The following ZNF184 variants were observed in gnomAD, a reference collection of about 807,000 sequenced individuals.
The protein encoded by ZNF184 is zinc finger protein 184 (Kruppel-like).
ZNF184 carries 16 observed loss-of-function variants against 54.4 expected under a neutral mutation model. The ratio of observed to expected loss-of-function variants is 0.29; its 90% CI spans 0.20 to 0.45. The LOEUF (loss-of-function observed/expected upper bound fraction) is 0.45, where lower values mean the gene tolerates loss of function less well. ZNF184 is among the 20% of genes least tolerant of loss of function. The pLI, the probability that ZNF184 is intolerant of heterozygous loss-of-function variation, is 1.00. For missense variants in ZNF184, 681 were observed against 888.2 expected, an observed-to-expected ratio of 0.77 and a Z score of 2.97; for synonymous variants, 254 against 295.3, an observed-to-expected ratio of 0.86 and a Z score of 1.43.
chr6:27,424,069 G>A, the ZNF184 span, among the ~76,000 whole-genome samples: 1 of 152,172 alleles, frequency 6.6e-6, no homozygotes, highest in Non-Finnish European at 1.5e-5. Context: ...TGGCACGCCT[G>A]GAGTTTGTTC....
intron 3 of ZNF184, among the ~76,000 whole-genome samples, chr6:27,459,741 GA>G (rs1011508927): frequency 4.6e-5 from 7 of 151,764 alleles, no homozygotes; most frequent in Non-Finnish European, 7.4e-5. Flanking sequence ...TGTGTGGAAG[GA>G]AAAAAAATCA....
At chr6:27,459,220 G>A (rs1201574169) in intron 3 of ZNF184, among the ~76,000 whole-genome samples, 1 of 152,154 alleles carries the variant, frequency 6.6e-6, no homozygotes, top group African/African-American at 2.4e-5. Flanking sequence ...CAAGAAAGTA[G>A]AAGAGAGGAT....
At chr6:27,442,808 GAAAGAGAAAGAAAGAAAGAA>G in the ZNF184 span, among the ~76,000 whole-genome samples, 4 of 49,606 alleles carry the variant, frequency 8.1e-5, 1 homozygote, top group Middle Eastern at 0.013. Context: ...GAAAGAGAAA[GAAAGAGAAAGAAAGAAAGAA>G]AGAAAGAAAG....
downstream of ZNF184, among the ~76,000 whole-genome samples, chr6:27,448,895 T>C (rs1465434355): frequency 6.6e-6 from 1 of 152,214 alleles, no homozygotes; most frequent in Non-Finnish European, 1.5e-5. Context: ...TTATTATCTA[T>C]GTTTACCACC....
At chr6:27,459,741 G>GA (rs1011508927) in intron 3 of ZNF184, among the ~76,000 whole-genome samples, 3 of 151,880 alleles carry the variant, frequency 2.0e-5, no homozygotes, top group South Asian at 2.1e-4. Flanking sequence ...TGTGTGGAAG[G>GA]AAAAAAAATC....
the ZNF184 span, among the ~76,000 whole-genome samples, chr6:27,436,804 G>T: frequency 6.6e-6 from 1 of 152,182 alleles, no homozygotes; most frequent in Non-Finnish European, 1.5e-5. Context: ...TTACAACTAG[G>T]ATCGTGACCA....
At chr6:27,444,941 T>C in the ZNF184 span, among the ~76,000 whole-genome samples, 11 of 152,326 alleles carry the variant, frequency 7.2e-5, no homozygotes, top group East Asian at 2.1e-3. Context: ...CTTAGATAGC[T>C]AAATCACAAT....
At chr6:27,439,752 TA>T in the ZNF184 span, among the ~76,000 whole-genome samples, 1 of 152,192 alleles carries the variant, frequency 6.6e-6, no homozygotes, top group East Asian at 1.9e-4. Flanking sequence ...TTATAACAAT[TA>T]GACTTTATCA....
chr6:27,407,164 G>A, the ZNF184 span, among the ~76,000 whole-genome samples: 3 of 152,234 alleles, frequency 2.0e-5, no homozygotes, highest in Non-Finnish European at 4.4e-5. Flanking sequence ...CCCATGCTGA[G>A]GTACAAGGGA....
chr6:27,415,024 C>T, the ZNF184 span, among the ~76,000 whole-genome samples: 1 of 152,152 alleles, frequency 6.6e-6, no homozygotes, highest in Non-Finnish European at 1.5e-5. Context: ...TCCCTTCCTA[C>T]CTCACAGGGA....
chr6:27,409,097 T>C, the ZNF184 span, among the ~76,000 whole-genome samples: 126 of 152,308 alleles, frequency 8.3e-4, 2 homozygotes, highest in South Asian at 0.025. Context: ...TAATTTGGTT[T>C]ATTGGATGTG....
At chr6:27,424,039 G>C in the ZNF184 span, among the ~76,000 whole-genome samples, 1 of 152,166 alleles carries the variant, frequency 6.6e-6, no homozygotes, top group Non-Finnish European at 1.5e-5. Context: ...CCCTCGCGGT[G>C]AGCGTTACAA....
At chr6:27,432,692 A>G in the ZNF184 span, among the ~76,000 whole-genome samples, 1 of 152,220 alleles carries the variant, frequency 6.6e-6, no homozygotes. This position sits in a 1 kb window ranked among gnomAD's most constrained non-coding sequence, Gnocchi z 4.0. Flanking sequence ...AAAAATGGCC[A>G]CAGCAATATT....
chr6:27,462,632 A>G (rs1016740304), intron 3 of ZNF184, among the ~76,000 whole-genome samples: 1 of 151,656 alleles, frequency 6.6e-6, no homozygotes, highest in African/African-American at 2.4e-5. Context: ...TGGGAGGCCT[A>G]GGCAGGCAGA....
the ZNF184 span, among the ~76,000 whole-genome samples, chr6:27,444,916 A>G: frequency 2.5e-4 from 38 of 152,324 alleles, no homozygotes; most frequent in Middle Eastern, 6.8e-3. Context: ...TCTAATAGGC[A>G]TCTAAAACAC....
At chr6:27,425,209 C>T in the ZNF184 span, among the ~76,000 whole-genome samples, 2 of 152,264 alleles carry the variant, frequency 1.3e-5, no homozygotes, top group Non-Finnish European at 2.9e-5. Flanking sequence ...CGCGCCTCTC[C>T]CTCCACACCT....
the ZNF184 span, chr6:27,407,804 T>C: frequency 2.6e-6 from 2 of 778,380 alleles, no homozygotes; most frequent in South Asian, 1.3e-5. Context: ...ACGATTATGA[T>C]GGCAATTATT....
Position 27,453,039 on chromosome 6 carries a change from A to G in ZNF184, c.520T>C (p.Trp174Arg), listed in dbSNP as rs1008622152. Residue 174 changes from tryptophan to arginine, a missense_variant, in exon 6 of 6, where the codon TGG (tryptophan) becomes CGG (arginine). By Grantham distance (101) the Trp-to-Arg change is moderately radical. Coordinates refer to ENST00000683788, the MANE Select transcript of ZNF184 (RefSeq NM_001318891.2). This position sits in a 1 kb window ranked among gnomAD's most constrained non-coding sequence, Gnocchi z 4.7. Reference protein sequence around the residue: ...IKVTEKTIPSWEKGPVNNEFG... With the variant: ...IKVTEKTIPSREKGPVNNEFG... ...TCATTATTTACAGGGCCTTTTTCCC[A>G]ACTGGGTATTGTCTTTTCGGTTACC... 4 of 1,614,048 alleles carry G rather than the reference A, an allele frequency of 2.5e-6. No homozygotes were observed. The highest frequency in any genetic ancestry group is 3.4e-6 in the Non-Finnish European group (4 of 1,179,990).
intron 3 of ZNF184, 66 bp downstream of exon 3, chr6:27,467,787 A>C (rs1415703928): frequency 6.7e-7 from 1 of 1,489,738 alleles, no homozygotes; most frequent in Admixed American, 2.1e-5. Context: ...GAAAAAACAA[A>C]ACAAAACAAA....
Sources: allele counts gnomAD v4.1 joint callset (sites outside exome capture counted in the v4.1 genomes callset), GRCh38; gene constraint gnomAD v4.1.1; non-coding constraint Gnocchi (gnomAD v3.1); transcripts MANE v1.5; gene names NCBI Gene and HGNC (gene_info 2026-07-23, HGNC 2026-07-21).